CTNNA2: variants seen among roughly 807,000 people sequenced by gnomAD.
CTNNA2 encodes the protein catenin alpha-2.
CTNNA2 carries 42 observed loss-of-function variants against 101.0 expected under a neutral mutation model. The ratio of observed to expected loss-of-function variants is 0.42; its 90% confidence interval spans 0.32 to 0.54. The LOEUF is 0.54. CTNNA2 is among the 20% of genes least tolerant of loss of function. The pLI, the probability that CTNNA2 is intolerant of heterozygous loss-of-function variation, is 0.14. For missense variants in CTNNA2, 871 were observed against 1,223.1 expected (o/e 0.71, Z 4.29); for synonymous variants, 450 against 456.4 (o/e 0.99, Z 0.18).
intron 3 of CTNNA2, among the ~76,000 whole-genome samples, chr2:79,750,665 A>G (rs1191369195): frequency 1.3e-5 from 2 of 152,028 alleles, no homozygotes; most frequent in East Asian, 1.9e-4. Context: ...GATTAAGACC[A>G]TCCTGGCTAA....
intron 4 of CTNNA2, chr2:79,493,961 C>T (rs557218019): frequency 1.3e-5 from 2 of 151,604 alleles, no homozygotes; most frequent in South Asian, 2.1e-4. Context: ...AAATAATAAA[C>T]GAGGTAACAA....
At chr2:79,631,931 G>A (rs1679723850) in intron 1 of CTNNA2, among the ~76,000 whole-genome samples, 1 of 152,074 alleles carries the variant, frequency 6.6e-6, no homozygotes, top group Non-Finnish European at 1.5e-5. Context: ...TTCCTCTGAG[G>A]ATATATTTGT....
At chr2:79,541,505 A>G (rs1026604316) in intron 1 of CTNNA2, among the ~76,000 whole-genome samples, 1 of 151,438 alleles carries the variant, frequency 6.6e-6, no homozygotes, top group East Asian at 1.9e-4. Context: ...ATATTTAGCT[A>G]CAGAGTGAAA....
chr2:79,348,784 A>G (rs6754231), intron 3 of CTNNA2, among the ~76,000 whole-genome samples: 52,189 of 152,092 alleles, frequency 0.34, 9,352 homozygotes, highest in Admixed American at 0.43. Flanking sequence ...TAGACACAGC[A>G]GTCTTTACTA....
chr2:80,305,045 C>T (rs1181852581), intron 7 of CTNNA2: 2 of 983,694 alleles, frequency 2.0e-6, no homozygotes, highest in African/African-American at 3.5e-5. Flanking sequence ...ATATTCTTTT[C>T]CCCTTTAAAA....
At chr2:80,592,313 A>C (rs1183748820) in intron 15 of CTNNA2, among the ~76,000 whole-genome samples, 6 of 152,138 alleles carry the variant, frequency 3.9e-5, no homozygotes, top group Non-Finnish European at 5.9e-5. Flanking sequence ...TTCTCTACTC[A>C]TCCAGGCCAC....
At chr2:79,938,572 A>G (rs910313734) in intron 7 of CTNNA2, among the ~76,000 whole-genome samples, 1 of 152,232 alleles carries the variant, frequency 6.6e-6, no homozygotes, top group African/African-American at 2.4e-5. Flanking sequence ...ATCTGTTCGC[A>G]TTATGCACTT....
chr2:79,351,452 A>G (rs568392796), intron 3 of CTNNA2, among the ~76,000 whole-genome samples: 1 of 152,236 alleles, frequency 6.6e-6, no homozygotes, highest in East Asian at 1.9e-4. Flanking sequence ...CTTTTATTTT[A>G]CAATCGGGGG....
intron 9 of CTNNA2, among the ~76,000 whole-genome samples, chr2:80,453,322 C>T (rs1054463131): frequency 2.0e-4 from 31 of 151,998 alleles, no homozygotes; most frequent in Admixed American, 1.2e-3. Flanking sequence ...CACCCACCCC[C>T]ACCCTAACCC....
intron 3 of CTNNA2, among the ~76,000 whole-genome samples, chr2:79,344,771 C>G (rs1441303809): frequency 3.4e-5 from 5 of 147,566 alleles, no homozygotes; most frequent in South Asian, 2.1e-4. Context: ...AGTGAAGTTG[C>G]TCAACTTTTC....
At chr2:79,800,331 C>T (rs148040886) in intron 3 of CTNNA2, among the ~76,000 whole-genome samples, 59 of 152,236 alleles carry the variant, frequency 3.9e-4, no homozygotes, top group African/African-American at 1.4e-3. Context: ...TTCTAAACTC[C>T]AGGCAAATGT....
intron 2 of CTNNA2, among the ~76,000 whole-genome samples, chr2:79,662,553 G>A (rs892231851): frequency 6.6e-6 from 1 of 151,968 alleles, no homozygotes; most frequent in South Asian, 2.1e-4. Flanking sequence ...CTGAACTGGA[G>A]ACCAAAAAAT....
rs200740681 is a variant in CTNNA2 at position 79,924,126 on chromosome 2, T to G, written c.1056+14329T>G. The stretch of plus-strand genomic sequence containing the variant: ...GATGTATACATACAATGGAATACTA[T>G]TCAGTCTTTAAAAAAAAGGAAATTC... On this transcript the variant is annotated intron_variant, in intron 7 of 18. Transcript: ENST00000402739. Among the ~76,000 whole-genome samples the G allele has an allele frequency of 1.1e-4, 17 of 152,230 alleles. No individual in the cohort carries two copies. In the East Asian group the frequency reaches 3.1e-3, roughly 28 times the overall value.
At chr2:79,619,037 C>A (rs1157281314) in intron 1 of CTNNA2, among the ~76,000 whole-genome samples, 1 of 152,100 alleles carries the variant, frequency 6.6e-6, no homozygotes, top group Non-Finnish European at 1.5e-5. Flanking sequence ...GAAACCCAGT[C>A]TCTCCAAAAA....
chr2:80,184,865 A>T (rs1375510650), intron 7 of CTNNA2, among the ~76,000 whole-genome samples: 1 of 152,208 alleles, frequency 6.6e-6, no homozygotes, highest in East Asian at 1.9e-4. Context: ...GATTGGCTTT[A>T]TCTCACATAT....
Position 79,196,343 on chromosome 2 carries a change from T to C in CTNNA2, c.-523-1616T>C, listed in dbSNP as rs555424318. Among the ~76,000 whole-genome samples the C allele has an allele frequency of 2.6e-5, 4 of 152,314 alleles. No individual in the cohort carries two copies. The South Asian group carries it at 8.3e-4, about 32-fold the overall frequency. On this transcript the variant is annotated intron_variant, in intron 1 of 21. Transcript: ENST00000466387. The stretch of plus-strand genomic sequence containing the variant: ...ATTCTCCTGCCAAGTAGTGATTTTT[T>C]ACTTCCTCACTCACCCCAACCTGCC...
At chr2:79,584,681 G>A (rs1258285182) in intron 1 of CTNNA2, among the ~76,000 whole-genome samples, 2 of 151,812 alleles carry the variant, frequency 1.3e-5, no homozygotes, top group East Asian at 1.9e-4. Context: ...CACCACGTCC[G>A]GCTAATTTTT....
At chr2:79,634,563 A>G (rs1679893556) in intron 1 of CTNNA2, 1 of 152,246 alleles carries the variant, frequency 6.6e-6, no homozygotes, top group South Asian at 2.1e-4. Context: ...CTAGTGTGAA[A>G]GAGAATGAGC....
At chr2:80,350,860 A>G (rs753502337) in intron 7 of CTNNA2, among the ~76,000 whole-genome samples, 1 of 152,144 alleles carries the variant, frequency 6.6e-6, no homozygotes, top group Non-Finnish European at 1.5e-5. Flanking sequence ...GAAGTCTTCT[A>G]GATGTCTGAA....
Sources: gnomAD v4.1 joint callset for allele counts (sites outside exome capture counted in the v4.1 genomes callset) on GRCh38, gnomAD v4.1.1 for gene constraint, MANE v1.5 for transcripts, NCBI Gene and HGNC (gene_info 2026-07-23, HGNC 2026-07-21) for gene names.